The following SLC28A3 variants were observed in gnomAD, a reference collection of about 807,000 sequenced individuals.
SLC28A3 encodes solute carrier family 28 member 3.
In SLC28A3, 68 loss-of-function variants were observed where a neutral mutation model predicts 84.2. That is an observed-to-expected ratio of 0.81 (90% CI 0.66 to 0.99). The LOEUF (loss-of-function observed/expected upper bound fraction) is 0.99, where lower values mean the gene tolerates loss of function less well. SLC28A3 is among the 50% of genes least tolerant of loss of function. The pLI, the probability that SLC28A3 is intolerant of heterozygous loss-of-function variation, is 0.00. For synonymous variants in SLC28A3, 267 were observed against 303.6 expected (o/e 0.88, Z 1.25); for missense variants, 712 against 841.5 (o/e 0.85, Z 1.90).
upstream of SLC28A3, among the ~76,000 whole-genome samples, chr9:84,341,370 C>T (rs994074938): frequency 6.6e-6 from 1 of 151,914 alleles, no homozygotes; most frequent in Non-Finnish European, 1.5e-5. Flanking sequence ...GGTGAGTGAA[C>T]ACAGGATATA....
intron 15 of SLC28A3, among the ~76,000 whole-genome samples, 187 bp from the exon 16 acceptor site, chr9:84,280,260 T>C (rs75139211): frequency 0.015 from 2,240 of 152,246 alleles, 64 homozygotes; most frequent in African/African-American, 0.051. Flanking sequence ...AATTCTCTGC[T>C]GTGGGAAGAA....
At chr9:84,297,192 G>T in intron 8 of SLC28A3, 29 bp downstream of exon 8, 1 of 1,579,302 alleles carries the variant, frequency 6.3e-7, no homozygotes, top group South Asian at 1.1e-5. Flanking sequence ...AAATAGCAGC[G>T]ACTACATAGA....
the SLC28A3 span, among the ~76,000 whole-genome samples, chr9:84,364,791 C>G: frequency 1.3e-5 from 2 of 152,120 alleles, no homozygotes; most frequent in African/African-American, 4.8e-5. Context: ...CTGTGCCTAG[C>G]TTATTTCACT....
At chr9:84,327,490 C>T (rs939686415) in intron 1 of SLC28A3, among the ~76,000 whole-genome samples, 10 of 152,124 alleles carry the variant, frequency 6.6e-5, no homozygotes, top group Non-Finnish European at 1.0e-4. Flanking sequence ...TACACAGACT[C>T]ATGATAGCCT....
upstream of SLC28A3, among the ~76,000 whole-genome samples, chr9:84,344,103 AT>A (rs890564176): frequency 1.0e-4 from 15 of 145,336 alleles, no homozygotes; most frequent in Middle Eastern, 3.5e-3. Flanking sequence ...CTAAGCTCTG[AT>A]TTTTTTTTTA....
intron 6 of SLC28A3, among the ~76,000 whole-genome samples, chr9:84,299,299 T>C (rs938223794): frequency 3.9e-5 from 6 of 152,186 alleles, no homozygotes; most frequent in Non-Finnish European, 8.8e-5. Flanking sequence ...GAGTTTTCTC[T>C]GTGTGTTTGA....
Position 84,290,377 on chromosome 9 carries a change from C to T in SLC28A3, c.1024-98G>A, listed in dbSNP as rs973040124. On this transcript the variant is annotated intron_variant, in intron 10 of 17. Transcript: ENST00000376238. Reference sequence around the variant, plus strand: ...TCACAATTTTATTCTTTAAAGCAGACAGTTTCTAAGAGTGAACCTCAGACC... The same window carrying T: ...TCACAATTTTATTCTTTAAAGCAGATAGTTTCTAAGAGTGAACCTCAGACC... 4.7e-6 allele frequency: 7 copies of T among 1,477,008 alleles called. No homozygotes were observed. In the Admixed American group the frequency reaches 8.3e-5, roughly 17 times the overall value. The allele number at this position is 1,477,008 out of a possible 1,614,324, so 91.5% of individuals were successfully genotyped here.
the SLC28A3 span, among the ~76,000 whole-genome samples, chr9:84,348,077 A>C: frequency 6.6e-6 from 1 of 152,174 alleles, no homozygotes; most frequent in Admixed American, 6.5e-5. Context: ...TTGGCACTTG[A>C]AAATAAATTC....
chr9:84,363,962 T>C, the SLC28A3 span, among the ~76,000 whole-genome samples: 8 of 152,100 alleles, frequency 5.3e-5, no homozygotes, highest in Admixed American at 4.6e-4. Context: ...AAAAAATTTA[T>C]CTTTAATTTT....
intron 8 of SLC28A3, among the ~76,000 whole-genome samples, chr9:84,295,495 G>T (rs949690782): frequency 6.6e-6 from 1 of 152,138 alleles, no homozygotes; most frequent in African/African-American, 2.4e-5. Flanking sequence ...TGAGGCAGGA[G>T]GATTGCTTGA....
At chr9:84,357,683 C>T in the SLC28A3 span, among the ~76,000 whole-genome samples, 21 of 152,100 alleles carry the variant, frequency 1.4e-4, no homozygotes, top group Non-Finnish European at 2.6e-4. Context: ...TTGTCCTACT[C>T]AGTGGGAGTC....
the SLC28A3 span, among the ~76,000 whole-genome samples, chr9:84,367,644 T>C: frequency 2.6e-5 from 4 of 152,144 alleles, no homozygotes; most frequent in African/African-American, 7.2e-5. Context: ...TTTTTTACTA[T>C]CTCGGCAAGG....
intron 1 of SLC28A3, among the ~76,000 whole-genome samples, chr9:84,339,139 T>C (rs1351456371): frequency 6.6e-6 from 1 of 152,176 alleles, no homozygotes; most frequent in East Asian, 1.9e-4. Context: ...TTCCTTTGTC[T>C]AGTCATTTCA....
chr9:84,289,142 T>C (rs1350312150), intron 11 of SLC28A3, among the ~76,000 whole-genome samples: 1 of 152,092 alleles, frequency 6.6e-6, no homozygotes, highest in East Asian at 1.9e-4. Flanking sequence ...CTGTTCCTGT[T>C]CCCCCCAGAA....
intron 3 of SLC28A3, among the ~76,000 whole-genome samples, chr9:84,307,132 C>CGAAA (rs772211923): frequency 8.4e-6 from 1 of 119,670 alleles, no homozygotes; most frequent in Non-Finnish European, 1.8e-5. Context: ...CCGTCTCAAC[C>CGAAA]AAAAAAAAAA....
chr9:84,319,404 C>T (rs921816325), intron 1 of SLC28A3, among the ~76,000 whole-genome samples: 14 of 152,184 alleles, frequency 9.2e-5, no homozygotes, highest in Admixed American at 1.3e-4. Context: ...GTGGCTCACA[C>T]CTGTAATCCC....
At chr9:84,340,435 AT>A in intron 1 of SLC28A3, 138 bp downstream of exon 1, 1 of 876,722 alleles carries the variant, frequency 1.1e-6, no homozygotes, top group South Asian at 1.6e-5. Flanking sequence ...AGAAGAAAAA[AT>A]AATGGGCTTA....
the SLC28A3 span, among the ~76,000 whole-genome samples, chr9:84,358,111 T>C: frequency 6.6e-6 from 1 of 152,168 alleles, no homozygotes; most frequent in Admixed American, 6.5e-5. Context: ...TTCACAGCAA[T>C]TATCTACTTT....
intron 13 of SLC28A3, among the ~76,000 whole-genome samples, 163 bp from the exon 14 acceptor site, chr9:84,285,705 T>A (rs1824955688): frequency 6.6e-6 from 1 of 151,956 alleles, no homozygotes; most frequent in African/African-American, 2.4e-5. Flanking sequence ...TAGAAATCGG[T>A]CATTTGAAGG....
Sources: gnomAD v4.1 joint callset for allele counts (sites outside exome capture counted in the v4.1 genomes callset) on GRCh38, gnomAD v4.1.1 for gene constraint, MANE v1.5 for transcripts, NCBI Gene and HGNC (gene_info 2026-07-23, HGNC 2026-07-21) for gene names.